ZNF3: variants seen among roughly 807,000 people sequenced by gnomAD.
ZNF3 encodes the protein zinc finger protein 3.
A neutral mutation model predicts 36.9 loss-of-function variants in ZNF3; 16 were observed. The ratio of observed to expected loss-of-function variants is 0.43; its 90% confidence interval spans 0.29 to 0.66. ZNF3 has a LOEUF of 0.66. Among genes scored for constraint, ZNF3 ranks in the 30% least tolerant of loss-of-function variants. The pLI, the probability that ZNF3 is intolerant of heterozygous loss-of-function variation, is 0.13. For missense variants in ZNF3, 462 were observed against 543.1 expected (o/e 0.85, Z 1.48); for synonymous variants, 201 against 201.9 (o/e 1.00, Z 0.04).
chr7:100,073,586 A>G (rs1224647403), intron 5 of ZNF3, among the ~76,000 whole-genome samples: 1 of 151,808 alleles, frequency 6.6e-6, no homozygotes, highest in South Asian at 2.1e-4. Flanking sequence ...TCCTGACCTC[A>G]GTATCTGCCC....
chr7:100,066,574 CA>C (rs34132820), downstream of ZNF3, among the ~76,000 whole-genome samples: 4,336 of 143,268 alleles, frequency 0.03, 199 homozygotes, highest in African/African-American at 0.1. Flanking sequence ...ACTAAAAATA[CA>C]AAAAAAAAAA....
chr7:100,065,036 T>A (rs2116191056), downstream of ZNF3: 1 of 1,229,358 alleles, frequency 8.1e-7, no homozygotes, highest in Non-Finnish European at 1.1e-6. Flanking sequence ...TATAACATCT[T>A]GTAATGCCTC....
Position 100,075,602 on chromosome 7 carries a change from G to A in ZNF3, c.84C>T (p.Ser28=), listed in dbSNP as rs564331026. ...TCTCATCCCCCAGGCTGTCCTTGTCGGAAAAGGCAGGAACTTTTGAAGGAA... is the reference window on the plus strand; with the variant it reads ...TCTCATCCCCCAGGCTGTCCTTGTCAGAAAAGGCAGGAACTTTTGAAGGAA... ...SALPSKVPAF[S]DKDSLGDEML... The change falls in exon 4 of 6, where the codon TCC becomes TCT. Residue 28 remains serine, a synonymous_variant. Transcript: ENST00000299667. 1.1e-5 allele frequency: 18 copies of A among 1,614,110 alleles called. No homozygotes were observed. In the East Asian group the frequency reaches 3.1e-4, roughly 28 times the overall value.
exon 6 of ZNF3, chr7:100,064,631 CTGT>C (rs370580130): frequency 3.1e-4 from 506 of 1,607,088 alleles, no homozygotes; most frequent in African/African-American, 1.5e-3. Flanking sequence ...TCAAGCGCTC[CTGT>C]TGTTGTCGTT....
Position 100,071,152 on chromosome 7 carries a change from C to A in ZNF3, c.1332G>T (p.Glu444Asp), listed in dbSNP as rs1175118976. 6.3e-7 allele frequency: 1 copy of A among 1,585,576 alleles called. No individual in the cohort carries two copies. The highest frequency in any genetic ancestry group is 8.6e-7 in the Non-Finnish European group (1 of 1,164,902). The change falls in exon 6 of 6, where the codon GAG becomes GAT. Residue 444 changes from glutamate to aspartate, a missense_variant. Glu to Asp is a conservative substitution (Grantham distance 45). Coordinates refer to ENST00000299667, the MANE Select transcript of ZNF3 (RefSeq NM_032924.5). ...TGGGTGTGTGGCTCTTTCACGTGGACTCTCTGATATTTAACTCGGTCGTAA... is the reference window on the plus strand; with the variant it reads ...TGGGTGTGTGGCTCTTTCACGTGGAATCTCTGATATTTAACTCGGTCGTAA... Reference protein sequence around the residue: ...LRVTTELNIREST With the variant: ...LRVTTELNIRDST
At chr7:100,075,879 G>C (rs931097113) in intron 3 of ZNF3, among the ~76,000 whole-genome samples, 6 of 152,118 alleles carry the variant, frequency 3.9e-5, no homozygotes, top group African/African-American at 1.4e-4. Flanking sequence ...TCTGTCCCAG[G>C]TCCCCTCTTC....
intron 5 of ZNF3, among the ~76,000 whole-genome samples, chr7:100,073,164 A>C (rs550363744): frequency 7.3e-4 from 111 of 152,168 alleles, no homozygotes; most frequent in African/African-American, 2.6e-3. Flanking sequence ...GCTCACCCTG[A>C]GAGTCCCAGA....
Position 100,075,222 on chromosome 7 carries a change from G to T in ZNF3, c.184C>A (p.Arg62=), listed in dbSNP as rs1350929811. The change falls in exon 5 of 6, where the codon CGG becomes AGG. Residue 62 remains arginine (R), a synonymous_variant. Transcript: ENST00000299667. ...GGTTCCAAACGCTTCCACTCCTTCC[G>T]GATGAAGTACACAGCTACATCCTCA... ...TFEDVAVYFI[R]KEWKRLEPAQ... is the part of the protein sequence containing the mutation. The T allele has an allele frequency of 1.2e-6, 2 of 1,614,154 alleles. No individual in the cohort carries two copies. Among genetic ancestry groups the T allele is most frequent in the Admixed American group, 1.7e-5 (1 of 60,010 alleles).
At chr7:100,073,641 C>T (rs1029759653) in intron 5 of ZNF3, among the ~76,000 whole-genome samples, 13 of 151,844 alleles carry the variant, frequency 8.6e-5, no homozygotes, top group East Asian at 5.9e-4. Context: ...TGAGCCACCG[C>T]GCCTGGCCTA....
chr7:100,067,134 CTG>C (rs1792691102), downstream of ZNF3, among the ~76,000 whole-genome samples: 1 of 152,358 alleles, frequency 6.6e-6, no homozygotes, highest in East Asian at 1.9e-4. Flanking sequence ...CGCCTGGCCT[CTG>C]TTGACCAGTC....
At chr7:100,077,264 ATGAC>A (rs1024262315) in intron 3 of ZNF3, 35 bp downstream of exon 3, 14 of 1,613,380 alleles carry the variant, frequency 8.7e-6, no homozygotes, top group African/African-American at 2.7e-5. Context: ...TGATTGCAGA[ATGAC>A]TGAGTAAAAG....
intron 1 of ZNF3, among the ~76,000 whole-genome samples, chr7:100,080,785 GAC>G: frequency 1.3e-5 from 2 of 152,250 alleles, no homozygotes; most frequent in East Asian, 3.9e-4. Flanking sequence ...GCACTCCAGA[GAC>G]AGTCTCAAAA....
In ZNF3 at chr7:100,075,448, G is replaced by A. The variant is rs757307909; in HGVS notation, c.144+94C>T. ...CCATGATTCAGCAGGACAGAACCAT[G>A]GGCCTGATGGAGGAGATCAGGGTTT... On this transcript the variant is annotated intron_variant, in intron 4 of 5. Coordinates refer to ENST00000299667, the MANE Select transcript of ZNF3 (RefSeq NM_032924.5). The A allele has an allele frequency of 3.3e-6, 5 of 1,514,454 alleles. No homozygotes were observed. In the African/African-American group the frequency reaches 6.8e-5, roughly 21 times the overall value. 93.8% of individuals were successfully genotyped at this position (1,514,454 alleles called of 1,614,324 possible).
At chr7:100,064,298 C>T (rs946806183) in exon 6 of ZNF3, 7 of 1,614,176 alleles carry the variant, frequency 4.3e-6, no homozygotes, top group Non-Finnish European at 5.9e-6. Flanking sequence ...TGTGGCAAGG[C>T]TTTCAGCGGG....
chr7:100,079,293 C>G (rs1211975708), intron 2 of ZNF3: 1 of 152,294 alleles, frequency 6.6e-6, no homozygotes. Context: ...AAGGCAACAG[C>G]TCCCTCTCAC....
At position 100,071,849 on chromosome 7, in the gene ZNF3, G is replaced by A. The variant is rs771508637; in HGVS notation, c.635C>T (p.Thr212Ile). Residue 212 changes from threonine (T) to isoleucine (I), a missense_variant, in exon 6 of 6, where the codon ACT (threonine) becomes ATT (isoleucine). Coordinates refer to ENST00000299667, the MANE Select transcript of ZNF3 (RefSeq NM_032924.5). ...TCTCTGATGTTGAATAAGGTCTGAA[G>A]TTCGATTAAAGCTCTTGCTACATTC... Reference protein sequence around the residue: ...CDECSKSFNRTSDLIQHQRIH... With the variant: ...CDECSKSFNRISDLIQHQRIH... 6.2e-7 allele frequency: 1 copy of A among 1,614,064 alleles called. No individual in the cohort carries two copies. The highest frequency in any genetic ancestry group is 8.5e-7 in the Non-Finnish European group (1 of 1,179,946).
chr7:100,078,749 T>C lies in ZNF3; in HGVS notation c.-77+787A>G, dbSNP rs1394971744. On this transcript the variant is annotated intron_variant, in intron 2 of 5. Transcript: ENST00000299667. Reference sequence around the variant, plus strand: ...TGGATTTGATCTACCTCTCATTATCTCTTTACTCATTTGCTCACATAGCAA... The same window carrying C: ...TGGATTTGATCTACCTCTCATTATCCCTTTACTCATTTGCTCACATAGCAA... The C allele has an allele frequency of 3.3e-5, 5 of 152,248 alleles. No homozygotes were observed. The East Asian group carries it at 7.7e-4, about 23-fold the overall frequency. 9.4% of individuals were successfully genotyped at this position (152,248 alleles called of 1,614,324 possible). A position where few individuals can be genotyped will look rare whatever the true frequency, so the allele number is the denominator to read the frequency against.
rs6592 is a variant in ZNF3, at chr7:100,070,484, G to C, written c.*659C>G. On this transcript the variant is annotated 3_prime_UTR_variant, in exon 6 of 6. Coordinates refer to ENST00000299667, the MANE Select transcript of ZNF3 (RefSeq NM_032924.5). ...TTGCCCATTCAGCCCCAGGACAACT[G>C]GGGGGGATGGCAGGGGGTCTGCTGG... 3 of 985,240 alleles carry C rather than the reference G, an allele frequency of 3.0e-6. No homozygotes were observed. The African/African-American group carries it at 5.2e-5, about 17-fold the overall frequency. The allele number at this position is 985,240 out of a possible 1,614,324, so 61.0% of individuals were successfully genotyped here.
intron 2 of ZNF3, chr7:100,079,317 G>GAAGCTGGAACTCAAAGGCATATTGTTGA (rs1794625997): frequency 6.6e-6 from 1 of 152,304 alleles, no homozygotes; most frequent in Admixed American, 6.5e-5. Context: ...TGGGTTAAGT[G>GAAGCTGGAACTCAAAGGCATATTGTTGA]AAGCTGGAAC....
Sources: allele counts gnomAD v4.1 joint callset (sites outside exome capture counted in the v4.1 genomes callset), GRCh38; gene constraint gnomAD v4.1.1; transcripts MANE v1.5; gene names NCBI Gene and HGNC (gene_info 2026-07-23, HGNC 2026-07-21).